The following SNTG1 variants were observed in gnomAD, a reference collection of about 807,000 sequenced individuals.
SNTG1 encodes the protein syntrophin gamma 1, also known as gamma-1-syntrophin.
In SNTG1, 39 loss-of-function variants were observed where a neutral mutation model predicts 74.7. The ratio of observed to expected loss-of-function variants is 0.52; its 90% CI spans 0.40 to 0.68. The LOEUF is 0.68. Ranked by LOEUF, SNTG1 falls within the 30% of genes least tolerant of loss-of-function variation. The pLI is 0.00. For missense variants in SNTG1, 685 were observed against 609.5 expected (o/e 1.12, Z -1.30); for synonymous variants, 254 against 217.1 (o/e 1.17, Z -1.49).
chr8:50,358,651 C>A (rs568848292), intron 2 of SNTG1, among the ~76,000 whole-genome samples: 1 of 152,142 alleles, frequency 6.6e-6, no homozygotes, highest in Non-Finnish European at 1.5e-5. Flanking sequence ...ATTTTCATAA[C>A]TATAAATTAC....
chr8:49,923,237 A>G (rs1054806057), intron 1 of SNTG1, among the ~76,000 whole-genome samples: 1 of 152,160 alleles, frequency 6.6e-6, no homozygotes, highest in African/African-American at 2.4e-5. Flanking sequence ...AAACAATTCT[A>G]CTATGTATAA....
chr8:49,953,635 A>G (rs2129394878), intron 1 of SNTG1, among the ~76,000 whole-genome samples: 2 of 152,334 alleles, frequency 1.3e-5, no homozygotes, highest in Non-Finnish European at 2.9e-5. Context: ...TGTAGAAGAT[A>G]TCTATTTGTT....
intron 17 of SNTG1, among the ~76,000 whole-genome samples, chr8:50,741,334 G>A (rs919852889): frequency 6.6e-6 from 1 of 151,960 alleles, no homozygotes; most frequent in East Asian, 1.9e-4. Flanking sequence ...TGTTGGCCAG[G>A]CTGGTCTTAA....
intron 2 of SNTG1, among the ~76,000 whole-genome samples, chr8:50,339,236 C>T (rs11996185): frequency 0.065 from 9,926 of 152,052 alleles, 346 homozygotes; most frequent in African/African-American, 0.072. Flanking sequence ...GAATGAAACT[C>T]CTCAGTCAAA....
rs755173615 is a variant in SNTG1 at position 50,266,644 on chromosome 8, TTATGTGTGTGTG to T, written c.-28+94011_-28+94022del. Among the ~76,000 whole-genome samples the T allele has an allele frequency of 8.5e-5, 11 of 130,050 alleles. 1 individual carries two copies. Among genetic ancestry groups the T allele is most frequent in the South Asian group, 4.9e-4 (2 of 4,100 alleles). 85.3% of individuals were successfully genotyped at this position (130,050 alleles called of 152,430 possible). A position where few individuals can be genotyped will look rare whatever the true frequency, so the allele number is the denominator to read the frequency against. ...CACAACAGAAGTGAAAGACACAGAA[TTATGTGTGTGTG>T]TGTGTGTGTGTGTGTGTGTGTGTGT... On this transcript the variant is annotated intron_variant, in intron 2 of 18. Transcript: ENST00000642720.
At chr8:50,624,557 G>T (rs2094944612) in intron 13 of SNTG1, among the ~76,000 whole-genome samples, 1 of 151,978 alleles carries the variant, frequency 6.6e-6, no homozygotes, top group Non-Finnish European at 1.5e-5. Flanking sequence ...AAGTTACCTT[G>T]GTAGTACTGC....
intron 1 of SNTG1, among the ~76,000 whole-genome samples, chr8:50,153,568 A>C (rs1378347880): frequency 2.0e-5 from 3 of 152,144 alleles, no homozygotes; most frequent in Non-Finnish European, 4.4e-5. Flanking sequence ...GGTGATGTAC[A>C]GATGGGGGTT....
chr8:50,708,761 A>G (rs1399816488), intron 16 of SNTG1, 125 bp from the exon 17 acceptor site: 1 of 597,242 alleles, frequency 1.7e-6, no homozygotes, highest in Non-Finnish European at 2.9e-6. Flanking sequence ...CCTTCTTTAT[A>G]CAATTATTGT....
chr8:50,633,176 G>C (rs1466350382), intron 13 of SNTG1, among the ~76,000 whole-genome samples: 1 of 150,090 alleles, frequency 6.7e-6, no homozygotes, highest in African/African-American at 2.4e-5. Context: ...GGAGTAATTT[G>C]AGAAAAGGGT....
intron 2 of SNTG1, among the ~76,000 whole-genome samples, chr8:50,201,617 C>A (rs973976117): frequency 1.3e-5 from 2 of 152,044 alleles, no homozygotes; most frequent in South Asian, 2.1e-4. Context: ...CTCTAAGGAG[C>A]CTTGGTTTAT....
chr8:50,210,044 G>A (rs184159034), intron 2 of SNTG1, among the ~76,000 whole-genome samples: 245 of 152,242 alleles, frequency 1.6e-3, no homozygotes, highest in Non-Finnish European at 2.7e-3. Context: ...TGAACTCATG[G>A]AGCTGAAAAC....
At chr8:50,654,044 C>A (rs1585972031) in intron 13 of SNTG1, among the ~76,000 whole-genome samples, 2 of 152,128 alleles carry the variant, frequency 1.3e-5, no homozygotes, top group East Asian at 1.9e-4. Flanking sequence ...AAGACACATG[C>A]CAAAGTGCCT....
rs58794829 is a variant in SNTG1 at position 50,583,394 on chromosome 8, C to CA, written c.811-7465dup. ...CCAGCCTGGGCGACAGAGTGAGACT[C>CA]AAAAAAAAAAAAAAAAAAAAGAAAG... On this transcript the variant is annotated intron_variant, in intron 12 of 18. Coordinates refer to ENST00000642720, the MANE Select transcript of SNTG1 (RefSeq NM_018967.5). 9.9e-3 allele frequency among the ~76,000 whole-genome samples: 812 copies of CA among 82,178 alleles called. 9 individuals carry two copies. The highest frequency in any genetic ancestry group is 0.034 in the African/African-American group (617 of 18,414). The allele number at this position is 82,178 out of a possible 152,430, so 53.9% of individuals were successfully genotyped here. A position where few individuals can be genotyped will look rare whatever the true frequency, so the allele number is the denominator to read the frequency against.
At chr8:50,515,546 C>T (rs1338662969) in intron 9 of SNTG1, among the ~76,000 whole-genome samples, 2 of 152,018 alleles carry the variant, frequency 1.3e-5, no homozygotes, top group Admixed American at 6.6e-5. Flanking sequence ...AAGCTAAGAT[C>T]CACTGGCTTG....
At chr8:50,146,653 C>A (rs1340889266) in intron 1 of SNTG1, among the ~76,000 whole-genome samples, 6 of 152,160 alleles carry the variant, frequency 3.9e-5, no homozygotes, top group Non-Finnish European at 8.8e-5. Context: ...TGTCGTATTG[C>A]AACCAATTGT....
intron 1 of SNTG1, among the ~76,000 whole-genome samples, chr8:50,170,193 A>C (rs920207600): frequency 1.3e-5 from 2 of 152,106 alleles, no homozygotes; most frequent in East Asian, 3.9e-4. Flanking sequence ...TTCTTTAAGT[A>C]ATGTTCCTAC....
At chr8:50,138,895 G>A (rs945894725) in intron 1 of SNTG1, among the ~76,000 whole-genome samples, 2 of 151,856 alleles carry the variant, frequency 1.3e-5, no homozygotes, top group Admixed American at 1.3e-4. Flanking sequence ...GATATACAGT[G>A]TATCATACTG....
chr8:50,359,787 A>G (rs1307355507), intron 2 of SNTG1, among the ~76,000 whole-genome samples: 1 of 152,166 alleles, frequency 6.6e-6, no homozygotes, highest in Non-Finnish European at 1.5e-5. Context: ...GATTAATACT[A>G]TTTCAAAGTA....
chr8:50,249,937 A>T (rs996629584), intron 2 of SNTG1, among the ~76,000 whole-genome samples: 1 of 152,140 alleles, frequency 6.6e-6, no homozygotes, highest in Non-Finnish European at 1.5e-5. Context: ...ACAACCACAA[A>T]ATAACAGGGT....
Sources: gnomAD v4.1 joint callset for allele counts (sites outside exome capture counted in the v4.1 genomes callset) on GRCh38, gnomAD v4.1.1 for gene constraint, MANE v1.5 for transcripts, NCBI Gene and HGNC (gene_info 2026-07-23, HGNC 2026-07-21) for gene names.